DPH6: variants seen among roughly 807,000 people sequenced by gnomAD.
DPH6 encodes the protein diphthine--ammonia ligase.
DPH6 carries 33 observed loss-of-function variants against 38.2 expected under a neutral mutation model. The observed-to-expected ratio is 0.86, with a 90% CI of 0.65 to 1.15. The LOEUF is 1.15. Ranked by LOEUF, DPH6 falls within the 50% of genes most tolerant of loss-of-function variation. The pLI, the probability that DPH6 is intolerant of heterozygous loss-of-function variation, is 0.00. For missense variants in DPH6, 325 were observed against 320.0 expected, an observed-to-expected ratio of 1.02 and a Z score of -0.12; for synonymous variants, 108 against 103.0, an observed-to-expected ratio of 1.05 and a Z score of -0.30.
chr15:35,401,419 G>A (rs373529346), intron 6 of DPH6: 57 of 769,916 alleles, frequency 7.4e-5, no homozygotes, highest in African/African-American at 5.3e-4. Context: ...TGGAGGAAGC[G>A]GCCCTGGTTA....
intron 6 of DPH6, chr15:35,401,716 G>T: frequency 1.4e-6 from 1 of 727,794 alleles, no homozygotes; most frequent in South Asian, 1.4e-5. Context: ...CACCAAGGTG[G>T]CTATGGTGGT....
the DPH6 span, among the ~76,000 whole-genome samples, chr15:35,155,755 G>A: frequency 6.6e-6 from 1 of 152,146 alleles, no homozygotes; most frequent in Non-Finnish European, 1.5e-5. Context: ...TTTGAATTGT[G>A]TTCTTTCATG....
intron 5 of DPH6, among the ~76,000 whole-genome samples, chr15:35,448,680 AAATTT>A (rs2053888452): frequency 6.6e-6 from 1 of 152,154 alleles, no homozygotes; most frequent in Non-Finnish European, 1.5e-5. Flanking sequence ...GGTGTTAATT[AAATTT>A]AATTAAATTA....
intron 3 of DPH6, among the ~76,000 whole-genome samples, chr15:35,335,138 T>C (rs1424497221): frequency 2.0e-5 from 3 of 152,220 alleles, no homozygotes; most frequent in Non-Finnish European, 2.9e-5. Context: ...TTGATTTGCA[T>C]TTCTCTAATG....
chr15:35,197,070 T>G, the DPH6 span, among the ~76,000 whole-genome samples: 7 of 152,238 alleles, frequency 4.6e-5, no homozygotes, highest in African/African-American at 1.7e-4. Context: ...AATAATTCTT[T>G]GAACACAGTC....
At chr15:35,466,311 AG>A (rs1460230967) in intron 3 of DPH6, among the ~76,000 whole-genome samples, 5 of 152,248 alleles carry the variant, frequency 3.3e-5, no homozygotes, top group South Asian at 2.1e-4. Flanking sequence ...TAAGGAAAAA[AG>A]TATATGGTTC....
At chr15:35,436,489 CA>C (rs370483091) in intron 5 of DPH6, among the ~76,000 whole-genome samples, 1 of 16,678 alleles carries the variant, frequency 6.0e-5, no homozygotes, top group African/African-American at 2.7e-4. Context: ...AAAAACAAAA[CA>C]AAACAAAACA....
exon 4 of DPH6, chr15:35,218,951 G>T (rs2051426184): frequency 6.6e-6 from 1 of 152,054 alleles, no homozygotes; most frequent in African/African-American, 2.4e-5. Context: ...TCCTTTTCTG[G>T]CAACTACTAA....
chr15:35,215,616 T>C (rs558778026), downstream of DPH6, among the ~76,000 whole-genome samples: 1 of 152,310 alleles, frequency 6.6e-6, no homozygotes, highest in East Asian at 1.9e-4. Context: ...CTTAAACTCC[T>C]GGCTTCAAGT....
chr15:35,389,421 G>C (rs2053020106), intron 6 of DPH6, among the ~76,000 whole-genome samples: 1 of 152,170 alleles, frequency 6.6e-6, no homozygotes, highest in Admixed American at 6.5e-5. Flanking sequence ...TCATTGATCT[G>C]TCTAATGTTG....
At chr15:35,472,663 G>T (rs1375251403) in intron 3 of DPH6, among the ~76,000 whole-genome samples, 1 of 152,072 alleles carries the variant, frequency 6.6e-6, no homozygotes, top group African/African-American at 2.4e-5. Context: ...AATCATTTAA[G>T]GAAAATTGAA....
intron 3 of DPH6, among the ~76,000 whole-genome samples, chr15:35,223,470 A>C (rs1452813216): frequency 6.6e-6 from 1 of 152,150 alleles, no homozygotes; most frequent in African/African-American, 2.4e-5. Flanking sequence ...GTGGATCACG[A>C]GGTCAGGAGA....
At chr15:35,437,938 C>A (rs896433307) in intron 5 of DPH6, among the ~76,000 whole-genome samples, 21 of 152,220 alleles carry the variant, frequency 1.4e-4, no homozygotes, top group African/African-American at 3.6e-4. Context: ...TTTGTTGATT[C>A]TCTTCCCCTC....
chr15:35,428,560 G>A (rs2053596192), intron 5 of DPH6, among the ~76,000 whole-genome samples: 1 of 152,056 alleles, frequency 6.6e-6, no homozygotes, highest in South Asian at 2.1e-4. Flanking sequence ...ATGGGCCTGG[G>A]GCAATCTCCT....
intron 6 of DPH6, among the ~76,000 whole-genome samples, chr15:35,393,270 T>C (rs539987649): frequency 6.6e-6 from 1 of 152,254 alleles, no homozygotes; most frequent in East Asian, 1.9e-4. Context: ...TGAGAGATTT[T>C]CTTTAGAGGC....
At chr15:35,310,235 T>C (rs1168438879) in intron 3 of DPH6, among the ~76,000 whole-genome samples, 4 of 152,188 alleles carry the variant, frequency 2.6e-5, no homozygotes, top group African/African-American at 7.2e-5. Context: ...TGCAAAATAA[T>C]TGAAGCACTA....
chr15:35,308,557 GA>G (rs1334581819), intron 3 of DPH6, among the ~76,000 whole-genome samples: 5 of 145,638 alleles, frequency 3.4e-5, no homozygotes, highest in East Asian at 2.0e-4. Flanking sequence ...TGGCCAAAAA[GA>G]AAAAAAAAAG....
intron 3 of DPH6, among the ~76,000 whole-genome samples, chr15:35,506,572 T>C (rs1415551872): frequency 1.3e-5 from 2 of 152,216 alleles, no homozygotes; most frequent in African/African-American, 4.8e-5. Flanking sequence ...CTGAACTCAC[T>C]GTACTGGTAT....
chr15:35,238,057 T>C (rs2051568606), intron 3 of DPH6: 1 of 1,559,678 alleles, frequency 6.4e-7, no homozygotes, highest in Non-Finnish European at 8.8e-7. Context: ...GAGAAGATGA[T>C]GACTAAGTGG....
Sources: gnomAD v4.1 joint callset for allele counts (sites outside exome capture counted in the v4.1 genomes callset) on GRCh38, gnomAD v4.1.1 for gene constraint, MANE v1.5 for transcripts, NCBI Gene and HGNC (gene_info 2026-07-23, HGNC 2026-07-21) for gene names.